SLC35F3: variants seen among roughly 807,000 people sequenced by gnomAD.
SLC35F3 encodes the protein putative thiamine transporter SLC35F3.
A neutral mutation model predicts 49.9 loss-of-function variants in SLC35F3; 25 were observed. The observed-to-expected ratio is 0.50, with a 90% CI of 0.37 to 0.70. SLC35F3 has a LOEUF of 0.70. SLC35F3 is among the 30% of genes least tolerant of loss of function. SLC35F3 has a pLI of 0.00. For missense variants in SLC35F3, 525 were observed against 639.8 expected (o/e 0.82, Z 1.94); for synonymous variants, 275 against 265.4 (o/e 1.04, Z -0.35).
chr1:234,162,716 G>C (rs770714134), intron 2 of SLC35F3, among the ~76,000 whole-genome samples: 4 of 152,144 alleles, frequency 2.6e-5, no homozygotes, highest in Non-Finnish European at 5.9e-5. Flanking sequence ...AAGGAACCAA[G>C]GATATCAGAG....
At chr1:234,105,813 G>C (rs1345581230) in intron 2 of SLC35F3, among the ~76,000 whole-genome samples, 1 of 152,174 alleles carries the variant, frequency 6.6e-6, no homozygotes. Flanking sequence ...ATTGCTATCG[G>C]GACTGGACAA....
rs926677387 is a variant in SLC35F3, at chr1:234,139,621, C to T, written c.284-91796C>T. The stretch of plus-strand genomic sequence containing the variant: ...TGGTCAAGTTGCCCGTGGTCAAGTG[C>T]GGTCAGACAATATGACATCACTAGT... On this transcript the variant is annotated intron_variant, in intron 2 of 7. Transcript: ENST00000366618. Among the ~76,000 whole-genome samples, 3 of 152,024 alleles carry T rather than the reference C, an allele frequency of 2.0e-5. No individual in the cohort carries two copies. The East Asian group carries it at 5.8e-4, about 29-fold the overall frequency.
intron 2 of SLC35F3, among the ~76,000 whole-genome samples, chr1:234,161,431 A>G (rs1186978338): frequency 6.6e-6 from 1 of 152,068 alleles, no homozygotes; most frequent in African/African-American, 2.4e-5. Context: ...TTGGCAAATT[A>G]TGCCTCTTCC....
intron 2 of SLC35F3, among the ~76,000 whole-genome samples, chr1:233,940,562 TC>T (rs1456197437): frequency 1.3e-5 from 2 of 152,300 alleles, no homozygotes; most frequent in East Asian, 3.9e-4. Flanking sequence ...TAAGCAAGGT[TC>T]CTAAACAGAA....
At chr1:234,174,617 C>T (rs1666448151) in intron 2 of SLC35F3, among the ~76,000 whole-genome samples, 1 of 152,210 alleles carries the variant, frequency 6.6e-6, no homozygotes, top group African/African-American at 2.4e-5. Flanking sequence ...ACAGGTTCCA[C>T]TCCACTGCGT....
At chr1:234,193,103 C>T (rs1666754411) in intron 2 of SLC35F3, among the ~76,000 whole-genome samples, 4 of 151,882 alleles carry the variant, frequency 2.6e-5, no homozygotes, top group Non-Finnish European at 4.4e-5. Flanking sequence ...ACAATCCTAA[C>T]ATGTGGAACC....
Position 234,320,109 on chromosome 1 carries a change from G to A in SLC35F3, c.1159G>A (p.Val387Ile), listed in dbSNP as rs771529879. ...FSVLLLTFNI[V>I]LNFGIAVTYP... ...ATTCTTTATTTCAGCATTCAATATTGTATTAAATTTTGGAATTGCCGTTAC... is the reference window on the plus strand; with the variant it reads ...ATTCTTTATTTCAGCATTCAATATTATATTAAATTTTGGAATTGCCGTTAC... Residue 387 changes from valine (V) to isoleucine (I), a missense_variant, in exon 7 of 8, where the codon GTA becomes ATA. Coordinates refer to ENST00000366618, the MANE Select transcript of SLC35F3 (RefSeq NM_173508.4). The surrounding 1 kb of genome is among the most constrained non-coding windows in gnomAD (Gnocchi z 4.8). 12 of 1,603,536 alleles carry A rather than the reference G, an allele frequency of 7.5e-6. No homozygotes were observed. The highest frequency in any genetic ancestry group is 7.7e-6 in the Non-Finnish European group (9 of 1,170,562).
intron 2 of SLC35F3, among the ~76,000 whole-genome samples, chr1:234,081,936 T>TTTTTA: frequency 7.6e-6 from 1 of 131,796 alleles, no homozygotes; most frequent in Non-Finnish European, 1.6e-5. Flanking sequence ...TTTTTTTTTT[T>TTTTTA]AGTAGAGACA....
intron 2 of SLC35F3, among the ~76,000 whole-genome samples, chr1:234,206,302 G>A (rs1572094492): frequency 6.6e-6 from 1 of 151,996 alleles, no homozygotes; most frequent in East Asian, 1.9e-4. Context: ...GCCTAAGCAC[G>A]CAGTCGGGGA....
At chr1:234,268,834 GT>G (rs966765368) in intron 3 of SLC35F3, 2 of 152,186 alleles carry the variant, frequency 1.3e-5, no homozygotes, top group Admixed American at 1.3e-4. Flanking sequence ...CTGCAACATA[GT>G]GTTAGACAAA....
intron 2 of SLC35F3, among the ~76,000 whole-genome samples, chr1:234,076,256 C>A (rs1189950315): frequency 6.7e-6 from 1 of 150,228 alleles, no homozygotes; most frequent in Non-Finnish European, 1.5e-5. Flanking sequence ...GTGACAGCCC[C>A]ATTAATTCTG....
intron 2 of SLC35F3, among the ~76,000 whole-genome samples, chr1:234,132,582 T>C (rs549085371): frequency 6.6e-6 from 1 of 152,350 alleles, no homozygotes; most frequent in South Asian, 2.1e-4. Context: ...ACATTGTGTA[T>C]TGCGATTTAA....
At chr1:234,221,991 G>A (rs1667213509) in intron 2 of SLC35F3, among the ~76,000 whole-genome samples, 1 of 152,204 alleles carries the variant, frequency 6.6e-6, no homozygotes, top group South Asian at 2.1e-4. Context: ...ATTGAGACCA[G>A]GAACAATAAG....
At chr1:234,150,228 G>T (rs12074312) in intron 2 of SLC35F3, among the ~76,000 whole-genome samples, 9,390 of 152,304 alleles carry the variant, frequency 0.062, 447 homozygotes, top group African/African-American at 0.12. Flanking sequence ...TGCTGAGGCA[G>T]AATATGTATG....
intron 3 of SLC35F3, among the ~76,000 whole-genome samples, chr1:234,295,003 G>A (rs1298972734): frequency 6.6e-6 from 1 of 152,256 alleles, no homozygotes; most frequent in African/African-American, 2.4e-5. Context: ...AATTTCTGAA[G>A]CCCACGGGGC....
chr1:234,265,520 C>A (rs1005715192), intron 3 of SLC35F3, among the ~76,000 whole-genome samples: 1 of 151,970 alleles, frequency 6.6e-6, no homozygotes, highest in Non-Finnish European at 1.5e-5. Flanking sequence ...CCTAGCCAAG[C>A]CAGCAGGGAC....
chr1:233,926,161 T>A (rs1221924764), intron 2 of SLC35F3, among the ~76,000 whole-genome samples: 2 of 152,184 alleles, frequency 1.3e-5, no homozygotes, highest in African/African-American at 4.8e-5. Flanking sequence ...CTGTATTTCC[T>A]GAATTTGAAT....
intron 2 of SLC35F3, among the ~76,000 whole-genome samples, chr1:233,967,876 G>GA (rs1480303970): frequency 6.6e-6 from 1 of 152,088 alleles, no homozygotes; most frequent in Non-Finnish European, 1.5e-5. Context: ...AGGAGAAACA[G>GA]AAAAAACAAC....
intron 2 of SLC35F3, among the ~76,000 whole-genome samples, chr1:233,999,709 T>C (rs1663520421): frequency 6.6e-6 from 1 of 151,672 alleles, no homozygotes; most frequent in South Asian, 2.1e-4. Context: ...CCGAGCCCAT[T>C]TGTGCTCTGC....
Sources: gnomAD v4.1 joint callset for allele counts (sites outside exome capture counted in the v4.1 genomes callset) on GRCh38, gnomAD v4.1.1 for gene constraint, Gnocchi (gnomAD v3.1) non-coding constraint, MANE v1.5 for transcripts, NCBI Gene and HGNC (gene_info 2026-07-23, HGNC 2026-07-21) for gene names.